The following PTPRK variants were observed in gnomAD, a reference collection of about 807,000 sequenced individuals.
PTPRK encodes the protein receptor-type tyrosine-protein phosphatase kappa.
A neutral mutation model predicts 178.0 loss-of-function variants in PTPRK; 75 were observed. The ratio of observed to expected loss-of-function variants is 0.42; its 90% CI spans 0.35 to 0.51. PTPRK has a LOEUF of 0.51. Among genes scored for constraint, PTPRK ranks in the 20% least tolerant of loss-of-function variants. The probability of loss-of-function intolerance (pLI) is 0.02; values close to 1 mark genes in which losing one functional copy is unlikely to be tolerated. For missense variants in PTPRK, 1,441 were observed against 1,797.8 expected (o/e 0.80, Z 3.59); for synonymous variants, 637 against 620.6 (o/e 1.03, Z -0.39).
chr6:128,299,474 C>G (rs1246716036), intron 3 of PTPRK, among the ~76,000 whole-genome samples: 1 of 151,946 alleles, frequency 6.6e-6, no homozygotes, highest in Non-Finnish European at 1.5e-5. Flanking sequence ...TCAAACTATA[C>G]TACAAGGCTA....
At chr6:128,285,332 T>C (rs532477084) in intron 3 of PTPRK, among the ~76,000 whole-genome samples, 4 of 147,792 alleles carry the variant, frequency 2.7e-5, no homozygotes, top group Non-Finnish European at 3.0e-5. Context: ...CTGGCCAACA[T>C]GGTGAAACCC....
At chr6:128,116,693 GAATA>G (rs1451556146) in intron 7 of PTPRK, among the ~76,000 whole-genome samples, 1 of 152,162 alleles carries the variant, frequency 6.6e-6, no homozygotes, top group Non-Finnish European at 1.5e-5. Context: ...CTGGATCCAC[GAATA>G]ACCAGGTGAA....
rs769452445 is a variant in PTPRK, at chr6:128,184,510, G to C, written c.1084C>G (p.Arg362Gly). The change falls in exon 7 of 30, where the codon CGA (arginine) becomes GGA (glycine). Residue 362 changes from arginine to glycine, a missense_variant. By Grantham distance (125) the Arg-to-Gly change is moderately radical (BLOSUM62 -2). Coordinates refer to ENST00000368226, the MANE Select transcript of PTPRK (RefSeq NM_002844.4). ...TCACCAGGTCTTGTAAGTAGAACTC[G>C]GATCTCATATTCGGTATCTGGATCT... ...HLDPDTEYEIRVLLTRPGEGG... is the reference protein window; with the variant it reads ...HLDPDTEYEIGVLLTRPGEGG... 1 of 1,613,862 alleles carries C rather than the reference G, an allele frequency of 6.2e-7. No individual in the cohort carries two copies. Among genetic ancestry groups the C allele is most frequent in the Non-Finnish European group, 8.5e-7 (1 of 1,179,846 alleles).
chr6:128,068,504 G>C (rs1319581831), intron 11 of PTPRK, among the ~76,000 whole-genome samples: 1 of 151,988 alleles, frequency 6.6e-6, no homozygotes, highest in African/African-American at 2.4e-5. Context: ...TAAACCTTCT[G>C]ATATCTTTAA....
At chr6:127,998,670 G>A (rs368054491) in intron 16 of PTPRK, 50 bp downstream of exon 16, 3 of 1,446,212 alleles carry the variant, frequency 2.1e-6, no homozygotes, top group Non-Finnish European at 2.8e-6. Flanking sequence ...AAATTCCACT[G>A]AGTATCATAG....
At chr6:128,152,011 C>A (rs979689740) in intron 7 of PTPRK, among the ~76,000 whole-genome samples, 3 of 151,730 alleles carry the variant, frequency 2.0e-5, no homozygotes, top group African/African-American at 4.8e-5. Context: ...AAGGTCCCTG[C>A]AGAGACCAGA....
intron 3 of PTPRK, among the ~76,000 whole-genome samples, chr6:128,313,513 G>C (rs1361462780): frequency 6.6e-6 from 1 of 152,140 alleles, no homozygotes; most frequent in African/African-American, 2.4e-5. Context: ...TGGACATAAA[G>C]TTGGGTCTTA....
intron 1 of PTPRK, among the ~76,000 whole-genome samples, chr6:128,510,841 G>T (rs1857068406): frequency 1.3e-5 from 2 of 151,602 alleles, no homozygotes; most frequent in South Asian, 4.1e-4. Context: ...TAATTATATA[G>T]ATTACTGTTA....
intron 17 of PTPRK, 39 bp from the exon 18 acceptor site, chr6:127,995,577 T>C (rs1554262455): frequency 7.7e-7 from 1 of 1,295,124 alleles, no homozygotes; most frequent in Admixed American, 2.2e-5. Context: ...TGTTAAATTT[T>C]CCCCCTGTTC....
intron 2 of PTPRK, among the ~76,000 whole-genome samples, chr6:128,395,398 C>T (rs550182072): frequency 2.4e-4 from 37 of 152,204 alleles, no homozygotes; most frequent in Non-Finnish European, 3.4e-4. Context: ...GTACTGTAAC[C>T]ACCGATTAAG....
intron 6 of PTPRK, among the ~76,000 whole-genome samples, chr6:128,212,500 G>A (rs764763802): frequency 2.6e-5 from 4 of 151,954 alleles, no homozygotes; most frequent in East Asian, 1.9e-4. Flanking sequence ...CTTGGTAGAC[G>A]GAAATGGGTC....
At chr6:128,396,056 C>A (rs1260999137) in intron 2 of PTPRK, among the ~76,000 whole-genome samples, 1 of 148,234 alleles carries the variant, frequency 6.7e-6, no homozygotes, top group African/African-American at 2.5e-5. Context: ...GATGTTTTCA[C>A]TTTTTTTTTT....
chr6:128,088,397 G>T lies in PTPRK; in HGVS notation c.1465+1293C>A, dbSNP rs180723532. ...TTCAAAAAAAAAAAAGAAAAGAAAA[G>T]AAAAAAAATGTAGCCCTACTGTCAA... On this transcript the variant is annotated intron_variant, in intron 8 of 29. Coordinates refer to ENST00000368226, the MANE Select transcript of PTPRK (RefSeq NM_002844.4). Among the ~76,000 whole-genome samples the T allele has an allele frequency of 4.7e-5, 7 of 150,170 alleles. 1 individual carries two copies. The South Asian group carries it at 6.3e-4, about 14-fold the overall frequency.
chr6:128,454,748 T>C (rs1442286172), intron 1 of PTPRK, among the ~76,000 whole-genome samples: 1 of 143,888 alleles, frequency 6.9e-6, no homozygotes, highest in East Asian at 2.1e-4. Flanking sequence ...CCTGGTATCA[T>C]TTACCTTCTG....
At chr6:128,401,237 C>T (rs963810270) in intron 1 of PTPRK, among the ~76,000 whole-genome samples, 4 of 152,040 alleles carry the variant, frequency 2.6e-5, no homozygotes, top group African/African-American at 9.7e-5. Context: ...ATGAACTTGC[C>T]AGAATATCTT....
chr6:128,117,094 C>T (rs749215890), intron 7 of PTPRK, among the ~76,000 whole-genome samples: 18 of 151,054 alleles, frequency 1.2e-4, no homozygotes, highest in East Asian at 1.2e-3. Flanking sequence ...TGCAGTGAGC[C>T]GAGATCATAC....
chr6:128,190,748 C>G (rs576157811), intron 6 of PTPRK, among the ~76,000 whole-genome samples: 1 of 152,154 alleles, frequency 6.6e-6, no homozygotes, highest in East Asian at 1.9e-4. Flanking sequence ...ATCTGCCCAC[C>G]TCAGCCTCCC....
intron 1 of PTPRK, among the ~76,000 whole-genome samples, chr6:128,462,378 TATC>T (rs1031388106): frequency 5.5e-4 from 84 of 152,258 alleles, no homozygotes; most frequent in African/African-American, 1.9e-3. Flanking sequence ...GCCAAAATAT[TATC>T]TTCAATATGT....
chr6:128,234,187 AC>A (rs1451745029), intron 5 of PTPRK, among the ~76,000 whole-genome samples: 5 of 152,246 alleles, frequency 3.3e-5, no homozygotes, highest in Non-Finnish European at 7.3e-5. Flanking sequence ...ATTACAAATT[AC>A]CTTTGAATGT....
Sources: allele counts gnomAD v4.1 joint callset (sites outside exome capture counted in the v4.1 genomes callset), GRCh38; gene constraint gnomAD v4.1.1; transcripts MANE v1.5; gene names NCBI Gene and HGNC (gene_info 2026-07-23, HGNC 2026-07-21).